OPRD1: variants seen among roughly 807,000 people sequenced by gnomAD.
OPRD1 encodes the protein delta-type opioid receptor.
In OPRD1, 19 loss-of-function variants were observed where a neutral mutation model predicts 17.5. The observed-to-expected ratio is 1.09, with a 90% confidence interval of 0.76 to 1.60. The LOEUF is 1.60. OPRD1 is among the 40% of genes most tolerant of loss of function. The pLI, the probability that OPRD1 is intolerant of heterozygous loss-of-function variation, is 0.00. For missense variants in OPRD1, 483 were observed against 547.2 expected, an observed-to-expected ratio of 0.88 and a Z score of 1.17; for synonymous variants, 256 against 240.9, an observed-to-expected ratio of 1.06 and a Z score of -0.58.
chr1:28,830,495 G>A (rs2088800570), intron 1 of OPRD1, among the ~76,000 whole-genome samples: 1 of 152,100 alleles, frequency 6.6e-6, no homozygotes, highest in African/African-American at 2.4e-5. Context: ...CTGTACTCCA[G>A]CCTGGGCAAC....
chr1:28,856,146 C>A (rs765441818), intron 1 of OPRD1, among the ~76,000 whole-genome samples: 2 of 152,198 alleles, frequency 1.3e-5, no homozygotes, highest in Non-Finnish European at 1.5e-5. Context: ...AAAGAGGGAG[C>A]GTGGGAGTCA....
In OPRD1 at chr1:28,870,787, T is replaced by C. The variant is rs2089210387; in HGVS notation, c.*7504T>C. 1 of 152,282 alleles carries C rather than the reference T, an allele frequency of 6.6e-6. No homozygotes were observed. The highest frequency in any genetic ancestry group is 2.4e-5 in the African/African-American group (1 of 41,474). 9.4% of individuals were successfully genotyped at this position (152,282 alleles called of 1,614,324 possible). On this transcript the variant is annotated 3_prime_UTR_variant, in exon 3 of 3. Coordinates refer to ENST00000234961, the MANE Select transcript of OPRD1 (RefSeq NM_000911.4). ...TCCCGGGCCATCTGCGTCATGGGGA[T>C]GGAGTCCCTTGGCGTGTGCCGGTGC...
Position 28,858,969 on chromosome 1 carries a change from G to T in OPRD1, c.243G>T (p.Lys81Asn). Residue 81 changes from lysine (K) to asparagine (N), a missense_variant, in exon 2 of 3, where the codon AAG becomes AAT. By Grantham distance (94) the Lys-to-Asn change is moderately conservative (BLOSUM62 0). Coordinates refer to ENST00000234961, the MANE Select transcript of OPRD1 (RefSeq NM_000911.4). ...MFGIVRYTKM[K>N]TATNIYIFNL... The stretch of plus-strand genomic sequence containing the variant: ...TCTTTCTAAGGTACACTAAGATGAA[G>T]ACGGCCACCAACATCTACATCTTCA... 6.2e-7 allele frequency: 1 copy of T among 1,610,896 alleles called. No homozygotes were observed. The highest frequency in any genetic ancestry group is 8.5e-7 in the Non-Finnish European group (1 of 1,179,538).
intron 1 of OPRD1, among the ~76,000 whole-genome samples, chr1:28,828,943 T>C (rs1369257825): frequency 6.6e-6 from 1 of 150,758 alleles, no homozygotes; most frequent in Non-Finnish European, 1.5e-5. Flanking sequence ...TGAGCCGAGA[T>C]TGCGCCACTG....
intron 1 of OPRD1, among the ~76,000 whole-genome samples, chr1:28,820,544 C>T (rs2088703699): frequency 6.6e-6 from 1 of 151,734 alleles, no homozygotes; most frequent in Admixed American, 6.6e-5. Context: ...TATAAATTTT[C>T]AGCTGGGTGC....
At chr1:28,829,001 A>G (rs2088790322) in intron 1 of OPRD1, among the ~76,000 whole-genome samples, 1 of 151,954 alleles carries the variant, frequency 6.6e-6, no homozygotes, top group Non-Finnish European at 1.5e-5. Flanking sequence ...AAAAAAAAAA[A>G]AAAGGAGAGA....
Position 28,865,009 on chromosome 1 carries a change from G to T in OPRD1, c.*1726G>T. The T allele has an allele frequency of 6.6e-6, 1 of 150,972 alleles. No homozygotes were observed. 9.4% of individuals were successfully genotyped at this position (150,972 alleles called of 1,614,324 possible). A position where few individuals can be genotyped will look rare whatever the true frequency, so the allele number is the denominator to read the frequency against. On this transcript the variant is annotated 3_prime_UTR_variant, in exon 3 of 3. Transcript: ENST00000234961. ...TCTGCCTTTCCCCCCAGGCTCCCCA[G>T]GTCCCCCACCTGCTCCAGCCCAGCT...
intron 1 of OPRD1, among the ~76,000 whole-genome samples, chr1:28,852,865 C>A (rs1398332303): frequency 1.3e-5 from 2 of 151,904 alleles, no homozygotes; most frequent in Non-Finnish European, 2.9e-5. Context: ...ACTACAGGTG[C>A]CCGCCACCAC....
chr1:28,847,976 C>CG (rs200450372), intron 1 of OPRD1, among the ~76,000 whole-genome samples: 3,057 of 152,058 alleles, frequency 0.02, 47 homozygotes, highest in Middle Eastern at 0.041. Flanking sequence ...TTGCCAGGCA[C>CG]GGTGGCTCAT....
chr1:28,862,139 G>A (rs1015268776), intron 2 of OPRD1, among the ~76,000 whole-genome samples: 5 of 151,572 alleles, frequency 3.3e-5, no homozygotes, highest in African/African-American at 1.2e-4. Flanking sequence ...GGAGGGTCTC[G>A]ATTTCCTGAC....
chr1:28,830,367 A>G (rs879513504), intron 1 of OPRD1, among the ~76,000 whole-genome samples: 16 of 151,966 alleles, frequency 1.1e-4, no homozygotes, highest in African/African-American at 3.6e-4. Flanking sequence ...TACAAAATGA[A>G]AAAAACAATA....
chr1:28,836,008 G>C (rs529086528), intron 1 of OPRD1, among the ~76,000 whole-genome samples: 2 of 152,302 alleles, frequency 1.3e-5, no homozygotes, highest in East Asian at 1.9e-4. Flanking sequence ...CATAGTGAGC[G>C]CTCGTAAACG....
At chr1:28,862,679 T>C (rs1569659840) in intron 2 of OPRD1, 63 bp from the exon 3 acceptor site, 2 of 1,498,178 alleles carry the variant, frequency 1.3e-6, no homozygotes, top group East Asian at 4.6e-5. Flanking sequence ...GGCAAGCAGG[T>C]GGGGGCCCCT....
At chr1:28,836,038 C>T (rs1014314237) in intron 1 of OPRD1, among the ~76,000 whole-genome samples, 1 of 152,186 alleles carries the variant, frequency 6.6e-6, no homozygotes, top group African/African-American at 2.4e-5. Flanking sequence ...GACATCTCTC[C>T]TTCTAGGCTA....
Position 28,866,270 on chromosome 1 carries a change from A to C in OPRD1, c.*2987A>C, listed in dbSNP as rs1390938579. Reference sequence around the variant, plus strand: ...AAGTGCCTTTTCTAGCTTTTCACTAAAACACATGTTTGTCGCAGTTCTGTA... The same window carrying C: ...AAGTGCCTTTTCTAGCTTTTCACTACAACACATGTTTGTCGCAGTTCTGTA... On this transcript the variant is annotated 3_prime_UTR_variant, in exon 3 of 3. Coordinates refer to ENST00000234961, the MANE Select transcript of OPRD1 (RefSeq NM_000911.4). The C allele has an allele frequency of 2.0e-5, 3 of 152,228 alleles. No homozygotes were observed. Among genetic ancestry groups the C allele is most frequent in the Non-Finnish European group, 2.9e-5 (2 of 68,058 alleles). 9.4% of individuals were successfully genotyped at this position (152,228 alleles called of 1,614,324 possible).
chr1:28,817,110 C>T (rs2088677372), intron 1 of OPRD1, among the ~76,000 whole-genome samples: 2 of 152,208 alleles, frequency 1.3e-5, no homozygotes, highest in Non-Finnish European at 2.9e-5. Context: ...CGCCTTCAGC[C>T]TGTGTGCTTC....
At position 28,812,453 on chromosome 1, in the gene OPRD1, C is replaced by T. The variant is rs774928647; in HGVS notation, c.70C>T (p.Pro24Ser). The change falls in exon 1 of 3, where the codon CCT becomes TCT. Residue 24 changes from proline to serine, a missense_variant. Coordinates refer to ENST00000234961, the MANE Select transcript of OPRD1 (RefSeq NM_000911.4). Reference protein sequence around the residue: ...PLFANASDAYPSACPSAGANA... With the variant: ...PLFANASDAYSSACPSAGANA... Reference sequence around the variant, plus strand: ...CTTCGCCAACGCCTCGGACGCCTACCCTAGCGCCTGCCCCAGCGCTGGCGC... The same window carrying T: ...CTTCGCCAACGCCTCGGACGCCTACTCTAGCGCCTGCCCCAGCGCTGGCGC... 4.0e-6 allele frequency: 6 copies of T among 1,515,976 alleles called. No homozygotes were observed. Among genetic ancestry groups the T allele is most frequent in the Non-Finnish European group, 5.3e-6 (6 of 1,139,024 alleles). 93.9% of individuals were successfully genotyped at this position (1,515,976 alleles called of 1,614,324 possible). A position where few individuals can be genotyped will look rare whatever the true frequency, so the allele number is the denominator to read the frequency against.
intron 1 of OPRD1, among the ~76,000 whole-genome samples, chr1:28,842,734 AC>A (rs1263038192): frequency 6.6e-6 from 1 of 152,002 alleles, no homozygotes; most frequent in African/African-American, 2.4e-5. Context: ...TCCAGTCCCT[AC>A]CCCCTGATTG....
chr1:28,858,645 A>G (rs1305293014), intron 1 of OPRD1, among the ~76,000 whole-genome samples: 1 of 150,412 alleles, frequency 6.6e-6, no homozygotes, highest in Non-Finnish European at 1.5e-5. Context: ...TCCCAGGTTC[A>G]AGCAATTTTC....
Sources: allele counts gnomAD v4.1 joint callset (sites outside exome capture counted in the v4.1 genomes callset), GRCh38; gene constraint gnomAD v4.1.1; transcripts MANE v1.5; gene names NCBI Gene and HGNC (gene_info 2026-07-23, HGNC 2026-07-21).